Variants in UNC5C observed in about 807,000 individuals in gnomAD.
UNC5C encodes netrin receptor UNC5C.
A neutral mutation model predicts 99.8 loss-of-function variants in UNC5C; 47 were observed. The ratio of observed to expected loss-of-function variants is 0.47; its 90% CI spans 0.37 to 0.60. The LOEUF is 0.60. UNC5C is among the 20% of genes least tolerant of loss of function. UNC5C has a pLI of 0.00. For synonymous variants in UNC5C, 487 were observed against 452.2 expected (o/e 1.08, Z -0.98); for missense variants, 1,062 against 1,165.9 (o/e 0.91, Z 1.30).
intron 4 of UNC5C, among the ~76,000 whole-genome samples, chr4:95,273,102 C>T (rs999243891): frequency 1.3e-5 from 2 of 152,208 alleles, no homozygotes; most frequent in African/African-American, 4.8e-5. Context: ...ATAATCTATT[C>T]TTTTGCACCT....
intron 14 of UNC5C, among the ~76,000 whole-genome samples, chr4:95,175,517 G>T (rs1357418706): frequency 6.6e-6 from 1 of 151,850 alleles, no homozygotes; most frequent in Non-Finnish European, 1.5e-5. Flanking sequence ...TAGTTTGGCT[G>T]GATATGAAAT....
At chr4:95,307,105 GTAAT>G (rs1028040112) in intron 2 of UNC5C, among the ~76,000 whole-genome samples, 16 of 151,982 alleles carry the variant, frequency 1.1e-4, no homozygotes, top group Non-Finnish European at 2.9e-5. Context: ...TCTCGTTAAA[GTAAT>G]TAAAGTGTGA....
At chr4:95,170,047 A>G in intron 15 of UNC5C, 107 bp downstream of exon 15, 1 of 1,408,922 alleles carries the variant, frequency 7.1e-7, no homozygotes, top group Non-Finnish European at 9.6e-7. Context: ...AAAATTAAAT[A>G]GATGTGTGGA....
chr4:95,278,123 C>G (rs527956401), intron 4 of UNC5C, 136 bp downstream of exon 4: 3 of 687,218 alleles, frequency 4.4e-6, no homozygotes, highest in Non-Finnish European at 7.4e-6. Context: ...ATTTTGCCAG[C>G]AGCAGGCAGT....
chr4:95,497,440 G>A (rs1177577289), intron 1 of UNC5C, among the ~76,000 whole-genome samples: 1 of 151,874 alleles, frequency 6.6e-6, no homozygotes, highest in Non-Finnish European at 1.5e-5. Flanking sequence ...TTATTAATAA[G>A]TTTTAAGAAA....
chr4:95,317,438 G>A (rs1044211847), intron 2 of UNC5C, among the ~76,000 whole-genome samples: 1 of 151,944 alleles, frequency 6.6e-6, no homozygotes, highest in Admixed American at 6.6e-5. Flanking sequence ...GTGTGTGCGT[G>A]TGTGTGCATG....
chr4:95,271,354 C>T (rs1009960929), intron 4 of UNC5C, among the ~76,000 whole-genome samples: 8 of 152,030 alleles, frequency 5.3e-5, no homozygotes, highest in Non-Finnish European at 1.0e-4. Context: ...CAGCCTCCCG[C>T]GTAGCTGGGA....
chr4:95,474,509 C>T (rs1201377979), intron 1 of UNC5C, among the ~76,000 whole-genome samples: 1 of 151,924 alleles, frequency 6.6e-6, no homozygotes, highest in African/African-American at 2.4e-5. Context: ...AGGCTGGTCT[C>T]GAACTCCTGA....
chr4:95,219,245 G>A lies in UNC5C; in HGVS notation c.1369C>T (p.His457Tyr). 6.2e-7 allele frequency: 1 copy of A among 1,614,196 alleles called. No individual in the cohort carries two copies. Among genetic ancestry groups the A allele is most frequent in the Admixed American group, 1.7e-5 (1 of 60,024 alleles). ...AMYRGPVYALHDVSDKIPMTN... is the reference protein window; with the variant it reads ...AMYRGPVYALYDVSDKIPMTN... ...ATTGGGATTTTGTCTGAGACGTCAT[G>A]CAGGGCATAGACAGGTCCTCTGTAC... Residue 457 changes from histidine to tyrosine, a missense_variant, in exon 9 of 16, where the codon CAT (histidine) becomes TAT (tyrosine). This residue lies in a region of UNC5C where 810 missense variants were observed against 854.5 expected (regional missense o/e 0.95). Coordinates refer to ENST00000453304, the MANE Select transcript of UNC5C (RefSeq NM_003728.4).
rs191057763 is a variant in UNC5C at position 95,476,492 on chromosome 4, T to C, written c.124+72242A>G. 4.6e-5 allele frequency among the ~76,000 whole-genome samples: 7 copies of C among 152,140 alleles called. No individual in the cohort carries two copies. The East Asian group carries it at 1.4e-3, about 30-fold the overall frequency. On this transcript the variant is annotated intron_variant, in intron 1 of 15. Transcript: ENST00000453304. ...GCACAAATTACATAACCAAATAAAA[T>C]ATAACTTTTTAGAACTGGGGTGTCC...
intron 2 of UNC5C, among the ~76,000 whole-genome samples, chr4:95,318,121 C>A (rs1194144606): frequency 1.3e-5 from 2 of 152,040 alleles, no homozygotes; most frequent in Non-Finnish European, 2.9e-5. Context: ...AATATGTTCA[C>A]CTTGAAAAAT....
chr4:95,333,559 T>G (rs561586247), intron 2 of UNC5C, among the ~76,000 whole-genome samples: 82 of 115,550 alleles, frequency 7.1e-4, no homozygotes, highest in Admixed American at 5.4e-4. Context: ...CATCACACTC[T>G]GCGGACTATT....
At chr4:95,239,276 G>A (rs1315196089) in intron 7 of UNC5C, among the ~76,000 whole-genome samples, 1 of 152,154 alleles carries the variant, frequency 6.6e-6, no homozygotes, top group African/African-American at 2.4e-5. Flanking sequence ...TTCCATACCA[G>A]AGCTAGGGTG....
chr4:95,547,246 A>G (rs1723094414), intron 1 of UNC5C, among the ~76,000 whole-genome samples: 1 of 152,130 alleles, frequency 6.6e-6, no homozygotes. Context: ...GGAAGGAAGG[A>G]TTTATGAGCA....
At position 95,227,782 on chromosome 4, in the gene UNC5C, A is replaced by G. The variant is rs553960805; in HGVS notation, c.1109-7606T>C. Among the ~76,000 whole-genome samples the G allele has an allele frequency of 9.2e-5, 14 of 152,344 alleles. No homozygotes were observed. The East Asian group carries it at 1.7e-3, about 19-fold the overall frequency. ...TCTACCAACTAAAATTTGGGTCAAT[A>G]AAACTGACAATGTATAATTTTGCAT... On this transcript the variant is annotated intron_variant, in intron 7 of 15. Coordinates refer to ENST00000453304, the MANE Select transcript of UNC5C (RefSeq NM_003728.4).
chr4:95,442,817 T>TACAC (rs10578644), intron 1 of UNC5C, among the ~76,000 whole-genome samples: 8 of 150,260 alleles, frequency 5.3e-5, no homozygotes, highest in Non-Finnish European at 8.9e-5. Flanking sequence ...TGTGCGCCAA[T>TACAC]ACACACACAC....
At chr4:95,202,245 T>C (rs1737705265) in intron 12 of UNC5C, among the ~76,000 whole-genome samples, 2 of 152,162 alleles carry the variant, frequency 1.3e-5, no homozygotes, top group Admixed American at 1.3e-4. Flanking sequence ...TGAATGGCAA[T>C]AATCACACCA....
chr4:95,267,113 G>A (rs1362262981), intron 4 of UNC5C, among the ~76,000 whole-genome samples: 1 of 152,108 alleles, frequency 6.6e-6, no homozygotes, highest in Non-Finnish European at 1.5e-5. Flanking sequence ...AAAAGTTTTA[G>A]AATTATAACT....
intron 1 of UNC5C, among the ~76,000 whole-genome samples, chr4:95,517,588 C>T (rs1403634518): frequency 6.6e-6 from 1 of 152,158 alleles, no homozygotes; most frequent in Non-Finnish European, 1.5e-5. Context: ...TAACCCAATA[C>T]TGCAAAGATA....
Sources: allele counts gnomAD v4.1 joint callset (sites outside exome capture counted in the v4.1 genomes callset), GRCh38; gene constraint gnomAD v4.1.1; regional missense constraint gnomAD v4.1.1; transcripts MANE v1.5; gene names NCBI Gene and HGNC (gene_info 2026-07-23, HGNC 2026-07-21).